The following NRF1 variants were observed in gnomAD, a reference collection of about 807,000 sequenced individuals.
NRF1 encodes nuclear respiratory factor 1, also known as alpha palindromic-binding protein.
NRF1 carries 5 observed loss-of-function variants against 58.5 expected under a neutral mutation model. That is an observed-to-expected ratio of 0.09 (90% CI 0.04 to 0.18). The LOEUF is 0.18. NRF1 is among the 10% of genes least tolerant of loss of function. The pLI is 1.00. For missense variants in NRF1, 288 were observed against 657.7 expected (o/e 0.44, Z 6.15); for synonymous variants, 224 against 246.7 (o/e 0.91, Z 0.86).
At chr7:129,722,452 T>C (rs1442625727) in intron 9 of NRF1, among the ~76,000 whole-genome samples, 1 of 151,384 alleles carries the variant, frequency 6.6e-6, no homozygotes, top group East Asian at 1.9e-4. Context: ...TAAAGTTGAG[T>C]GTAAAAGGTT....
At chr7:129,708,701 C>T (rs1312162773) in intron 5 of NRF1, among the ~76,000 whole-genome samples, 1 of 152,148 alleles carries the variant, frequency 6.6e-6, no homozygotes, top group Non-Finnish European at 1.5e-5. Context: ...TGGATTCCTA[C>T]TTCCAGAACA....
intron 1 of NRF1, among the ~76,000 whole-genome samples, chr7:129,621,562 C>T (rs1800797322): frequency 6.6e-6 from 1 of 151,882 alleles, no homozygotes; most frequent in Non-Finnish European, 1.5e-5. Context: ...AAAAATAGCC[C>T]ACAAATCAAA....
Position 129,690,656 on chromosome 7 carries a change from A to G in NRF1, c.606+110A>G, listed in dbSNP as rs1562971680. ...CTCAGTGATCTGACCAGGGAGTGAGATGCTGACTGGAGTCTTGTAGTGAAA... is the reference window on the plus strand; with the variant it reads ...CTCAGTGATCTGACCAGGGAGTGAGGTGCTGACTGGAGTCTTGTAGTGAAA... On this transcript the variant is annotated intron_variant, in intron 5 of 10. Coordinates refer to ENST00000393232, the MANE Select transcript of NRF1 (RefSeq NM_005011.5). 11 of 1,169,894 alleles carry G rather than the reference A, an allele frequency of 9.4e-6. No individual in the cohort carries two copies. The South Asian group carries it at 1.3e-4, about 14-fold the overall frequency. The allele number at this position is 1,169,894 out of a possible 1,614,324, so 72.5% of individuals were successfully genotyped here. A position where few individuals can be genotyped will look rare whatever the true frequency, so the allele number is the denominator to read the frequency against.
At chr7:129,683,637 T>TTC in intron 4 of NRF1, among the ~76,000 whole-genome samples, 1 of 145,152 alleles carries the variant, frequency 6.9e-6, no homozygotes, top group East Asian at 2.0e-4. Context: ...GCCGGAATTT[T>TTC]TTTTTTTTTT....
intron 1 of NRF1, among the ~76,000 whole-genome samples, chr7:129,633,264 A>G (rs1370451882): frequency 6.6e-6 from 1 of 152,214 alleles, no homozygotes; most frequent in Non-Finnish European, 1.5e-5. Context: ...TAAACGTTAA[A>G]TACTGTTTTG....
At chr7:129,614,023 A>G (rs1344878767) in intron 1 of NRF1, among the ~76,000 whole-genome samples, 1 of 152,208 alleles carries the variant, frequency 6.6e-6, no homozygotes, top group African/African-American at 2.4e-5. Flanking sequence ...AGGAGGGAAA[A>G]TGACTTTTTG....
chr7:129,753,515 T>G (rs532231249), intron 10 of NRF1, among the ~76,000 whole-genome samples: 1 of 152,346 alleles, frequency 6.6e-6, no homozygotes, highest in South Asian at 2.1e-4. Flanking sequence ...CTCGGTTATA[T>G]CCTTTTTTCC....
intron 2 of NRF1, among the ~76,000 whole-genome samples, chr7:129,668,331 A>C (rs1397875865): frequency 6.6e-6 from 1 of 152,130 alleles, no homozygotes; most frequent in African/African-American, 2.4e-5. Flanking sequence ...CATCCTTCTA[A>C]TCAGTGGAGA....
intron 10 of NRF1, among the ~76,000 whole-genome samples, chr7:129,731,164 G>A (rs941798779): frequency 4.0e-5 from 6 of 151,868 alleles, no homozygotes; most frequent in African/African-American, 1.2e-4. Context: ...CCAGCGAATC[G>A]GGAGTTCCAG....
intron 3 of NRF1, among the ~76,000 whole-genome samples, chr7:129,675,851 A>G (rs112683797): frequency 1.3e-5 from 2 of 152,196 alleles, no homozygotes; most frequent in East Asian, 1.9e-4. Flanking sequence ...AAGAGAGTCA[A>G]CCTGTCCTTT....
intron 1 of NRF1, among the ~76,000 whole-genome samples, chr7:129,650,419 G>A (rs897392372): frequency 6.6e-6 from 1 of 152,048 alleles, no homozygotes; most frequent in African/African-American, 2.4e-5. Flanking sequence ...TTTATTTTAT[G>A]TCTAGGAGAA....
At chr7:129,732,182 C>G (rs2116266338) in intron 10 of NRF1, among the ~76,000 whole-genome samples, 1 of 152,254 alleles carries the variant, frequency 6.6e-6, no homozygotes, top group Admixed American at 6.5e-5. Context: ...GAAAACCAGG[C>G]CTATAGACCT....
intron 10 of NRF1, among the ~76,000 whole-genome samples, chr7:129,739,260 G>T (rs749757132): frequency 6.6e-6 from 1 of 152,156 alleles, no homozygotes; most frequent in Non-Finnish European, 1.5e-5. Flanking sequence ...AGCCACATAC[G>T]CCCTGAGATA....
rs1584632641 is a variant in NRF1 at position 129,677,822 on chromosome 7, G to T, written c.465+64G>T. 3 of 1,594,876 alleles carry T rather than the reference G, an allele frequency of 1.9e-6. No homozygotes were observed. In the East Asian group the frequency reaches 6.7e-5, roughly 36 times the overall value. On this transcript the variant is annotated intron_variant, in intron 4 of 10. Transcript: ENST00000393232. ...TTCTGTCGGCTGCTTCCATTCTTCTGATCCTCTGTCAAGTATAACAGTTGG... is the reference window on the plus strand; with the variant it reads ...TTCTGTCGGCTGCTTCCATTCTTCTTATCCTCTGTCAAGTATAACAGTTGG...
At chr7:129,740,082 C>T (rs1250326354) in intron 10 of NRF1, among the ~76,000 whole-genome samples, 2 of 152,164 alleles carry the variant, frequency 1.3e-5, no homozygotes, top group African/African-American at 2.4e-5. Flanking sequence ...ACTTCTCAAA[C>T]GTGTCCTCCT....
rs377638033 is a variant in NRF1 at position 129,615,739 on chromosome 7, C to T, written c.-7+3915C>T. Among the ~76,000 whole-genome samples, 34 of 152,270 alleles carry T rather than the reference C, an allele frequency of 2.2e-4. 1 individual carries two copies. In the East Asian group the frequency reaches 5.8e-3, roughly 26 times the overall value. On this transcript the variant is annotated intron_variant, in intron 1 of 10. Transcript: ENST00000393232. Reference sequence around the variant, plus strand: ...ATGTTAATTTTTGTGCCTTGTGTATCATATTTCCTTCCTTATTAACTAGAG... The same window carrying T: ...ATGTTAATTTTTGTGCCTTGTGTATTATATTTCCTTCCTTATTAACTAGAG...
intron 1 of NRF1, among the ~76,000 whole-genome samples, chr7:129,616,628 CT>C (rs1800665483): frequency 6.6e-6 from 1 of 152,134 alleles, no homozygotes; most frequent in African/African-American, 2.4e-5. Context: ...TAAGGTAGGC[CT>C]ACCACATTTG....
rs113619808 is a variant in NRF1 at position 129,711,593 on chromosome 7, A to G, written c.1065+17A>G. 1.6e-4 allele frequency: 253 copies of G among 1,585,218 alleles called. 3 individuals carry two copies. In the African/African-American group the frequency reaches 2.8e-3, roughly 18 times the overall value. Reference sequence around the variant, plus strand: ...GATGGAGAGGTAAGAAAGAGATTCCATCTGCATCTTCTTAAATACTTGAAT... The same window carrying G: ...GATGGAGAGGTAAGAAAGAGATTCCGTCTGCATCTTCTTAAATACTTGAAT... On this transcript the variant is annotated intron_variant, in intron 8 of 10. Transcript: ENST00000393232.
intron 1 of NRF1, among the ~76,000 whole-genome samples, chr7:129,619,480 G>GTATA (rs1800738228): frequency 3.2e-5 from 1 of 30,812 alleles, no homozygotes; most frequent in South Asian, 2.1e-3. Flanking sequence ...GTGTGTGTGT[G>GTATA]TGTGTGTGTG....
Sources: gnomAD v4.1 joint callset for allele counts (sites outside exome capture counted in the v4.1 genomes callset) on GRCh38, gnomAD v4.1.1 for gene constraint, MANE v1.5 for transcripts, NCBI Gene and HGNC (gene_info 2026-07-23, HGNC 2026-07-21) for gene names.